Variants in ADAMTS3 observed in about 807,000 individuals in gnomAD.
ADAMTS3 encodes A disintegrin and metalloproteinase with thrombospondin motifs 3.
Under a neutral mutation model 129.0 loss-of-function variants are expected in ADAMTS3, and 73 were observed. That is an observed-to-expected ratio of 0.57 (90% CI 0.47 to 0.69). The LOEUF (loss-of-function observed/expected upper bound fraction) is 0.69, where lower values mean the gene tolerates loss of function less well. Ranked by LOEUF, ADAMTS3 falls within the 30% of genes least tolerant of loss-of-function variation. The probability of loss-of-function intolerance (pLI) is 0.00; values close to 1 mark genes in which losing one functional copy is unlikely to be tolerated. For synonymous variants in ADAMTS3, 477 were observed against 510.8 expected (o/e 0.93, Z 0.89); for missense variants, 1,457 against 1,514.5 (o/e 0.96, Z 0.63).
intron 16 of ADAMTS3, 50 bp downstream of exon 16, chr4:72,305,937 T>A (rs775236549): frequency 1.4e-6 from 2 of 1,463,410 alleles, no homozygotes; most frequent in Middle Eastern, 1.7e-4. Flanking sequence ...CTTTGACATT[T>A]CAATGTTTCA....
At chr4:72,519,658 G>A (rs7657285) in intron 3 of ADAMTS3, among the ~76,000 whole-genome samples, 5,558 of 152,106 alleles carry the variant, frequency 0.037, 119 homozygotes, top group Non-Finnish European at 0.048. Context: ...CATTCTTCAC[G>A]TAGTTCTCAA....
chr4:72,357,297 C>T (rs990872966), intron 4 of ADAMTS3, among the ~76,000 whole-genome samples: 10 of 151,966 alleles, frequency 6.6e-5, no homozygotes, highest in African/African-American at 1.4e-4. Flanking sequence ...TGCTTATGTA[C>T]GCCCACCATA....
At chr4:72,289,668 G>A (rs1718607640) in intron 20 of ADAMTS3, among the ~76,000 whole-genome samples, 1 of 152,120 alleles carries the variant, frequency 6.6e-6, no homozygotes, top group African/African-American at 2.4e-5. Context: ...TTTAAGAGGT[G>A]GGACCTTTCT....
At chr4:72,556,130 G>A (rs2109799313) in intron 2 of ADAMTS3, among the ~76,000 whole-genome samples, 1 of 151,136 alleles carries the variant, frequency 6.6e-6, no homozygotes, top group Non-Finnish European at 1.5e-5. Flanking sequence ...ATTACAGGAA[G>A]GAAGGAAGGA....
chr4:72,374,254 T>A (rs1721084603), intron 4 of ADAMTS3, among the ~76,000 whole-genome samples: 1 of 151,770 alleles, frequency 6.6e-6, no homozygotes, highest in South Asian at 2.1e-4. Flanking sequence ...CTGAGTTGCA[T>A]CCTGTTTGTT....
intron 11 of ADAMTS3, among the ~76,000 whole-genome samples, chr4:72,314,873 G>T (rs1719349628): frequency 1.3e-5 from 2 of 152,112 alleles, no homozygotes; most frequent in Admixed American, 1.3e-4. Context: ...AGAAGTAAAT[G>T]CCATATAAAT....
chr4:72,568,814 A>AAAC lies in ADAMTS3; in HGVS notation c.-53_-52insGTT. The AAAC allele has an allele frequency of 7.4e-7, 1 of 1,354,096 alleles. No homozygotes were observed. Among genetic ancestry groups the AAAC allele is most frequent in the Non-Finnish European group, 1.0e-6 (1 of 980,438 alleles). The allele number at this position is 1,354,096 out of a possible 1,614,324, so 83.9% of individuals were successfully genotyped here. A position where few individuals can be genotyped will look rare whatever the true frequency, so the allele number is the denominator to read the frequency against. ...CTGGGCAAAGCAAATGCCCAGAGCA[A>AAAC]ACCCACCCCCCCCGCCCAAAATAAG... On this transcript the variant is annotated 5_prime_UTR_variant, in exon 1 of 22. Transcript: ENST00000286657.
At chr4:72,369,448 C>T (rs1031598364) in intron 4 of ADAMTS3, among the ~76,000 whole-genome samples, 5 of 152,116 alleles carry the variant, frequency 3.3e-5, no homozygotes, top group Non-Finnish European at 4.4e-5. Context: ...CGGTGGCTCA[C>T]GACTGTAATC....
chr4:72,418,214 T>C (rs1013554978), intron 3 of ADAMTS3, among the ~76,000 whole-genome samples: 3 of 152,152 alleles, frequency 2.0e-5, no homozygotes, highest in Admixed American at 1.3e-4. Context: ...AATTATCTAG[T>C]ATCTATTTCA....
intron 3 of ADAMTS3, among the ~76,000 whole-genome samples, chr4:72,438,890 G>C: frequency 6.6e-6 from 1 of 151,838 alleles, no homozygotes; most frequent in Non-Finnish European, 1.5e-5. Context: ...ACTTGCTTAA[G>C]ACCATAACAT....
At chr4:72,336,707 C>T (rs1560477564) in intron 5 of ADAMTS3, among the ~76,000 whole-genome samples, 1 of 152,170 alleles carries the variant, frequency 6.6e-6, no homozygotes, top group African/African-American at 2.4e-5. Context: ...TAATTTAGAA[C>T]AAGGTTTCTA....
At chr4:72,481,162 C>T (rs970293326) in intron 3 of ADAMTS3, among the ~76,000 whole-genome samples, 4 of 152,044 alleles carry the variant, frequency 2.6e-5, no homozygotes, top group African/African-American at 9.7e-5. Context: ...AAATTCCTAT[C>T]AAAACTCAAG....
intron 3 of ADAMTS3, among the ~76,000 whole-genome samples, chr4:72,488,526 C>A (rs931828508): frequency 5.3e-5 from 8 of 151,868 alleles, no homozygotes; most frequent in African/African-American, 1.9e-4. Context: ...TCACTTCCAC[C>A]ACTTCTAACC....
intron 3 of ADAMTS3, among the ~76,000 whole-genome samples, chr4:72,419,338 A>G (rs1430439305): frequency 1.3e-5 from 2 of 152,226 alleles, no homozygotes; most frequent in African/African-American, 4.8e-5. Flanking sequence ...CAAAATATGT[A>G]TTCAATAAAG....
At chr4:72,396,821 A>G (rs1390256024) in intron 4 of ADAMTS3, among the ~76,000 whole-genome samples, 1 of 152,192 alleles carries the variant, frequency 6.6e-6, no homozygotes, top group African/African-American at 2.4e-5. Context: ...TGAATCTTAT[A>G]CTCAGAGATT....
At chr4:72,447,461 T>C (rs1485674074) in intron 3 of ADAMTS3, among the ~76,000 whole-genome samples, 1 of 151,776 alleles carries the variant, frequency 6.6e-6, no homozygotes, top group African/African-American at 2.4e-5. Flanking sequence ...AGAATGTCAG[T>C]AAACTGCAAG....
chr4:72,363,876 T>C (rs937980726), intron 4 of ADAMTS3, among the ~76,000 whole-genome samples: 1 of 152,094 alleles, frequency 6.6e-6, no homozygotes, highest in African/African-American at 2.4e-5. Flanking sequence ...CAAGAATTAA[T>C]TCAGTGAAAG....
intron 16 of ADAMTS3, 22 bp downstream of exon 16, chr4:72,305,965 G>T: frequency 6.3e-7 from 1 of 1,591,046 alleles, no homozygotes; most frequent in South Asian, 1.1e-5. Context: ...TTAAAGCAGA[G>T]ACAGCAGACA....
chr4:72,483,146 T>G (rs1174938332), intron 3 of ADAMTS3, among the ~76,000 whole-genome samples: 1 of 151,984 alleles, frequency 6.6e-6, no homozygotes, highest in Non-Finnish European at 1.5e-5. Flanking sequence ...CTAGAGATCC[T>G]AACCAATGTA....
Sources: gnomAD v4.1 joint callset for allele counts (sites outside exome capture counted in the v4.1 genomes callset) on GRCh38, gnomAD v4.1.1 for gene constraint, MANE v1.5 for transcripts, NCBI Gene and HGNC (gene_info 2026-07-23, HGNC 2026-07-21) for gene names.